The following PAX5 variants were observed in gnomAD, a reference collection of about 807,000 sequenced individuals.
PAX5 encodes the protein paired box protein Pax-5.
PAX5 carries 9 observed loss-of-function variants against 43.7 expected under a neutral mutation model. That is an observed-to-expected ratio of 0.21 (90% CI 0.12 to 0.36). PAX5 has a LOEUF of 0.36. Among genes scored for constraint, PAX5 ranks in the 10% least tolerant of loss-of-function variants. The pLI is 1.00. For synonymous variants in PAX5, 228 were observed against 214.3 expected (o/e 1.06, Z -0.56); for missense variants, 383 against 532.7 (o/e 0.72, Z 2.77).
Position 36,941,118 on chromosome 9 carries a change from G to A in PAX5, c.781-17634C>T, listed in dbSNP as rs148560111. Among the ~76,000 whole-genome samples, 18 of 152,332 alleles carry A rather than the reference G, an allele frequency of 1.2e-4. No individual in the cohort carries two copies. The East Asian group carries it at 1.4e-3, about 11-fold the overall frequency. Reference sequence around the variant, plus strand: ...AAAGCACGGATTAGCGTGCAAGGGCGTGGCCTGCACAGCCGCTAAGCCAGC... The same window carrying A: ...AAAGCACGGATTAGCGTGCAAGGGCATGGCCTGCACAGCCGCTAAGCCAGC... On this transcript the variant is annotated intron_variant, in intron 6 of 9. Transcript: ENST00000358127.
intron 5 of PAX5, among the ~76,000 whole-genome samples, chr9:36,994,661 C>T (rs546863702): frequency 5.9e-4 from 90 of 152,266 alleles, no homozygotes; most frequent in Middle Eastern, 3.4e-3. Flanking sequence ...GCACAAGTGC[C>T]GAGAGCAACT....
chr9:36,994,828 A>G (rs1837250667), intron 5 of PAX5, among the ~76,000 whole-genome samples: 1 of 152,152 alleles, frequency 6.6e-6, no homozygotes, highest in Non-Finnish European at 1.5e-5. Context: ...CTGATTTTGC[A>G]ATGTTGGTAA....
At chr9:37,001,633 C>T (rs974833827) in intron 5 of PAX5, among the ~76,000 whole-genome samples, 8 of 152,186 alleles carry the variant, frequency 5.3e-5, no homozygotes, top group African/African-American at 7.2e-5. Context: ...AGACCACAGG[C>T]CAATCCACGG....
At chr9:36,994,676 CG>C (rs1003568519) in intron 5 of PAX5, among the ~76,000 whole-genome samples, 40 of 152,268 alleles carry the variant, frequency 2.6e-4, no homozygotes, top group African/African-American at 9.1e-4. Flanking sequence ...GCAACTTGAG[CG>C]GGGAGCGCAT....
At chr9:36,971,436 A>T (rs1834918451) in intron 5 of PAX5, among the ~76,000 whole-genome samples, 1 of 152,190 alleles carries the variant, frequency 6.6e-6, no homozygotes, top group Non-Finnish European at 1.5e-5. Flanking sequence ...AGCATTTCTC[A>T]TCTGCACCAT....
At chr9:36,950,316 G>T (rs915176117) in intron 6 of PAX5, among the ~76,000 whole-genome samples, 1 of 152,166 alleles carries the variant, frequency 6.6e-6, no homozygotes, top group Non-Finnish European at 1.5e-5. Context: ...CATCCCATTT[G>T]GTTTCATAGC....
intron 6 of PAX5, among the ~76,000 whole-genome samples, chr9:36,950,643 C>T (rs1361250461): frequency 1.3e-5 from 2 of 152,166 alleles, no homozygotes. Context: ...CCTGGGTCTG[C>T]CCCTTGGAAC....
chr9:36,998,481 G>A (rs956058558), intron 5 of PAX5, among the ~76,000 whole-genome samples: 1 of 152,124 alleles, frequency 6.6e-6, no homozygotes, highest in Non-Finnish European at 1.5e-5. Context: ...ACCCTCTAAA[G>A]GAATGTGACT....
At chr9:36,938,561 C>T (rs1382306104) in intron 6 of PAX5, among the ~76,000 whole-genome samples, 3 of 152,208 alleles carry the variant, frequency 2.0e-5, no homozygotes, top group African/African-American at 7.2e-5. Context: ...CCCATCCAAC[C>T]GTCTCCACCT....
At chr9:36,873,924 G>T (rs1017176143) in intron 8 of PAX5, among the ~76,000 whole-genome samples, 1 of 152,188 alleles carries the variant, frequency 6.6e-6, no homozygotes. Context: ...TGCTTAACCA[G>T]ACCCAGAGAG....
intron 6 of PAX5, among the ~76,000 whole-genome samples, chr9:36,947,719 T>C (rs1387690376): frequency 6.6e-6 from 1 of 152,128 alleles, no homozygotes; most frequent in Non-Finnish European, 1.5e-5. Flanking sequence ...TGAACATATA[T>C]ATATATATTT....
intron 3 of PAX5, among the ~76,000 whole-genome samples, chr9:37,014,602 T>C (rs940370144): frequency 1.3e-5 from 2 of 152,198 alleles, no homozygotes; most frequent in Admixed American, 1.3e-4. Context: ...CCTGGGAATC[T>C]TTGAGATGGG....
chr9:36,926,523 A>T (rs907197412), intron 6 of PAX5, among the ~76,000 whole-genome samples: 1 of 152,244 alleles, frequency 6.6e-6, no homozygotes, highest in East Asian at 1.9e-4. Flanking sequence ...GTAGAACAAG[A>T]CTTGGTCGTG....
chr9:37,026,897 G>A lies in PAX5; in HGVS notation c.47-6096C>T, dbSNP rs371410389. ...CGGCCAAGGCGCCCGCGGCTTCGGGGGCATAGCGTAGGGGCCCGCCTCCGG... is the reference window on the plus strand; with the variant it reads ...CGGCCAAGGCGCCCGCGGCTTCGGGAGCATAGCGTAGGGGCCCGCCTCCGG... On this transcript the variant is annotated intron_variant, in intron 1 of 9. Coordinates refer to ENST00000358127, the MANE Select transcript of PAX5 (RefSeq NM_016734.3). 4.3e-4 allele frequency among the ~76,000 whole-genome samples: 65 copies of A among 152,316 alleles called. 1 individual carries two copies. Among genetic ancestry groups the A allele is most frequent in the African/African-American group, 1.6e-3 (65 of 41,580 alleles).
intron 1 of PAX5, chr9:37,026,688 C>T (rs1840414268): frequency 7.6e-7 from 1 of 1,318,460 alleles, no homozygotes. Flanking sequence ...GAGCTGGGCT[C>T]AGAAAACACT....
chr9:36,894,817 T>C (rs1827708808), intron 7 of PAX5, among the ~76,000 whole-genome samples: 1 of 152,224 alleles, frequency 6.6e-6, no homozygotes. Context: ...AGCACAGCTC[T>C]GTTCACATCG....
intron 6 of PAX5, among the ~76,000 whole-genome samples, chr9:36,962,426 T>A (rs777062370): frequency 2.0e-5 from 3 of 152,084 alleles, no homozygotes; most frequent in South Asian, 2.1e-4. Context: ...TGAAAAAAAA[T>A]GTTCTAGTCT....
chr9:36,879,892 A>G (rs2131747264), intron 8 of PAX5, among the ~76,000 whole-genome samples: 1 of 152,246 alleles, frequency 6.6e-6, no homozygotes, highest in African/African-American at 2.4e-5. Flanking sequence ...TGTGTGTCCC[A>G]CCACCTCTGT....
chr9:36,979,156 T>G (rs1835702533), intron 5 of PAX5, among the ~76,000 whole-genome samples: 1 of 152,240 alleles, frequency 6.6e-6, no homozygotes, highest in Admixed American at 6.5e-5. Context: ...GTACTCGGAC[T>G]GGCTCGACTC....
Sources: gnomAD v4.1 joint callset for allele counts (sites outside exome capture counted in the v4.1 genomes callset) on GRCh38, gnomAD v4.1.1 for gene constraint, MANE v1.5 for transcripts, NCBI Gene and HGNC (gene_info 2026-07-23, HGNC 2026-07-21) for gene names.